RASAL2: variants seen among roughly 807,000 people sequenced by gnomAD.
RASAL2 encodes the protein ras GTPase-activating protein nGAP.
RASAL2 carries 58 observed loss-of-function variants against 128.9 expected under a neutral mutation model. The observed-to-expected ratio is 0.45, with a 90% CI of 0.36 to 0.56. RASAL2 has a LOEUF of 0.56. RASAL2 is among the 20% of genes least tolerant of loss of function. RASAL2 has a pLI of 0.00. For synonymous variants in RASAL2, 561 were observed against 580.8 expected, an observed-to-expected ratio of 0.97 and a Z score of 0.49; for missense variants, 1,360 against 1,601.6, an observed-to-expected ratio of 0.85 and a Z score of 2.57.
chr1:178,176,437 G>T (rs1289263261), intron 1 of RASAL2, among the ~76,000 whole-genome samples: 1 of 148,942 alleles, frequency 6.7e-6, no homozygotes, highest in African/African-American at 2.5e-5. Context: ...CAAGTTGTTT[G>T]TAGATACTGG....
At chr1:178,213,078 C>T (rs1446867892) in intron 1 of RASAL2, among the ~76,000 whole-genome samples, 1 of 152,160 alleles carries the variant, frequency 6.6e-6, no homozygotes, top group Non-Finnish European at 1.5e-5. Context: ...CTCTGTTGCC[C>T]AGGCTGGAGT....
At position 178,113,977 on chromosome 1, in the gene RASAL2, T is replaced by C. The variant is rs34022270; in HGVS notation, c.202+19283T>C. Among the ~76,000 whole-genome samples, 1,358 of 152,314 alleles carry C rather than the reference T, an allele frequency of 8.9e-3. 5 individuals carry two copies. The highest frequency in any genetic ancestry group is 0.014 in the Middle Eastern group (4 of 294). On this transcript the variant is annotated intron_variant, in intron 1 of 17. Coordinates refer to ENST00000367649, the MANE Select transcript of RASAL2 (RefSeq NM_170692.4). ...AAATTTTTAAATTTCCAATTATTTG[T>C]TGCTAGTATATAGGCATACAATAAT...
At chr1:178,425,312 A>C (rs1172373512) in intron 5 of RASAL2, among the ~76,000 whole-genome samples, 1 of 152,212 alleles carries the variant, frequency 6.6e-6, no homozygotes, top group African/African-American at 2.4e-5. Flanking sequence ...TTGGAAAGGT[A>C]AAATTCCAGT....
At chr1:178,411,839 A>T (rs1332996380) in intron 4 of RASAL2, 2 of 758,780 alleles carry the variant, frequency 2.6e-6, no homozygotes, top group Admixed American at 1.8e-5. Context: ...ACTGCCCTAC[A>T]CGTCAAACTC....
Position 178,131,071 on chromosome 1 carries a change from A to T in RASAL2, c.202+36377A>T, listed in dbSNP as rs891213005. On this transcript the variant is annotated intron_variant, in intron 1 of 17. Transcript: ENST00000367649. ...CTCTGTCTCAAAAACAAACAAAAAA[A>T]AAACAAAAAAAACCAAAAAAAAACA... 2.7e-5 allele frequency among the ~76,000 whole-genome samples: 4 copies of T among 150,940 alleles called. No individual in the cohort carries two copies. In the East Asian group the frequency reaches 7.7e-4, roughly 29 times the overall value.
At chr1:178,213,498 G>A (rs1431919724) in intron 1 of RASAL2, among the ~76,000 whole-genome samples, 2 of 152,104 alleles carry the variant, frequency 1.3e-5, no homozygotes, top group South Asian at 4.1e-4. Context: ...ACGATCAAAT[G>A]TTCATCAACA....
intron 1 of RASAL2, among the ~76,000 whole-genome samples, chr1:178,251,344 T>C (rs1220639242): frequency 6.6e-6 from 1 of 152,232 alleles, no homozygotes; most frequent in Non-Finnish European, 1.5e-5. Flanking sequence ...TAACTAGCAA[T>C]CCAAAATTAC....
At chr1:178,289,578 G>T (rs975729522) in intron 2 of RASAL2, among the ~76,000 whole-genome samples, 1 of 152,050 alleles carries the variant, frequency 6.6e-6, no homozygotes, top group African/African-American at 2.4e-5. Flanking sequence ...GCCTCCCAAA[G>T]TGCTGGGATT....
rs1648765670 is a variant in RASAL2 at position 178,477,590 on chromosome 1, A to G, written c.*4351A>G. The G allele has an allele frequency of 1.3e-5, 2 of 152,208 alleles. No homozygotes were observed. The highest frequency in any genetic ancestry group is 2.4e-5 in the African/African-American group (1 of 41,448). 9.4% of individuals were successfully genotyped at this position (152,208 alleles called of 1,614,324 possible). A position where few individuals can be genotyped will look rare whatever the true frequency, so the allele number is the denominator to read the frequency against. On this transcript the variant is annotated 3_prime_UTR_variant, in exon 18 of 18. Transcript: ENST00000367649. The stretch of plus-strand genomic sequence containing the variant: ...CCCAGAGTTTCCAGGAAACAGGAAT[A>G]TTTATATCCCTTGCCCACTCTTAAA...
chr1:178,298,136 C>T (rs1002359716), intron 2 of RASAL2, among the ~76,000 whole-genome samples: 10 of 152,040 alleles, frequency 6.6e-5, no homozygotes, highest in Non-Finnish European at 1.3e-4. Context: ...GGATATGTTT[C>T]GCCTTTTTTA....
chr1:178,302,488 AG>A (rs1667810689), intron 3 of RASAL2, among the ~76,000 whole-genome samples: 1 of 152,236 alleles, frequency 6.6e-6, no homozygotes, highest in Non-Finnish European at 1.5e-5. Context: ...AAAACATAAA[AG>A]AAAAAAAGAT....
In RASAL2 at chr1:178,473,308, C is replaced by A. The variant is rs1028719641; in HGVS notation, c.*69C>A. Reference sequence around the variant, plus strand: ...CTCCTATCTCCAGACCTTTACCTAGCCCCTCCAGGTTTACAGAATGTTGCT... The same window carrying A: ...CTCCTATCTCCAGACCTTTACCTAGACCCTCCAGGTTTACAGAATGTTGCT... On this transcript the variant is annotated 3_prime_UTR_variant, in exon 18 of 18. Coordinates refer to ENST00000367649, the MANE Select transcript of RASAL2 (RefSeq NM_170692.4). 2 of 1,560,134 alleles carry A rather than the reference C, an allele frequency of 1.3e-6. No homozygotes were observed. Among genetic ancestry groups the A allele is most frequent in the African/African-American group, 2.7e-5 (2 of 73,674 alleles).
chr1:178,179,142 T>C (rs941439940), intron 1 of RASAL2, among the ~76,000 whole-genome samples: 1 of 152,152 alleles, frequency 6.6e-6, no homozygotes, highest in African/African-American at 2.4e-5. Context: ...AAAAACTAGT[T>C]CTTTGGGGTA....
At chr1:178,397,188 C>T (rs1253425878) in intron 4 of RASAL2, among the ~76,000 whole-genome samples, 1 of 152,136 alleles carries the variant, frequency 6.6e-6, no homozygotes, top group Non-Finnish European at 1.5e-5. Context: ...TTTATAGCAG[C>T]ATTATTTATG....
In RASAL2 at chr1:178,476,493, T is replaced by C. The variant is rs1411809697; in HGVS notation, c.*3254T>C. 1 of 152,214 alleles carries C rather than the reference T, an allele frequency of 6.6e-6. No homozygotes were observed. The highest frequency in any genetic ancestry group is 1.5e-5 in the Non-Finnish European group (1 of 68,042). The allele number at this position is 152,214 out of a possible 1,614,324, so 9.4% of individuals were successfully genotyped here. On this transcript the variant is annotated 3_prime_UTR_variant, in exon 18 of 18. Coordinates refer to ENST00000367649, the MANE Select transcript of RASAL2 (RefSeq NM_170692.4). ...CTATCACCAAGGTACTGTTGGGGTTTATGGCAGTCTAACGGTAAGAAAAAT... is the reference window on the plus strand; with the variant it reads ...CTATCACCAAGGTACTGTTGGGGTTCATGGCAGTCTAACGGTAAGAAAAAT...
chr1:178,240,013 A>G (rs557605172), intron 1 of RASAL2, among the ~76,000 whole-genome samples: 1 of 152,184 alleles, frequency 6.6e-6, no homozygotes, highest in South Asian at 2.1e-4. Flanking sequence ...ATAATAAAAC[A>G]TAAAATATTT....
chr1:178,164,076 C>T (rs1661429529), intron 1 of RASAL2, among the ~76,000 whole-genome samples: 1 of 152,042 alleles, frequency 6.6e-6, no homozygotes, highest in African/African-American at 2.4e-5. Flanking sequence ...TTTGGGGAAT[C>T]TGGATGAAGA....
At chr1:178,466,837 G>A (rs1224095091) in intron 16 of RASAL2, among the ~76,000 whole-genome samples, 3 of 152,114 alleles carry the variant, frequency 2.0e-5, no homozygotes, top group Non-Finnish European at 2.9e-5. Flanking sequence ...ATAGTGTGGA[G>A]GTAATTGACA....
intron 1 of RASAL2, among the ~76,000 whole-genome samples, chr1:178,109,294 G>T (rs1659211172): frequency 6.6e-6 from 1 of 152,054 alleles, no homozygotes. Context: ...CTAGATGAGG[G>T]TCTTACTGTT....
Sources: allele counts gnomAD v4.1 joint callset (sites outside exome capture counted in the v4.1 genomes callset), GRCh38; gene constraint gnomAD v4.1.1; transcripts MANE v1.5; gene names NCBI Gene and HGNC (gene_info 2026-07-23, HGNC 2026-07-21).